EDARADD: variants seen among roughly 807,000 people sequenced by gnomAD.
EDARADD encodes the protein ectodysplasin-A receptor-associated adapter protein.
A neutral mutation model predicts 25.6 loss-of-function variants in EDARADD; 20 were observed. The observed-to-expected ratio is 0.78, with a 90% CI of 0.55 to 1.14. EDARADD has a LOEUF of 1.14. Among genes scored for constraint, EDARADD ranks in the 50% most tolerant of loss-of-function variants. EDARADD has a pLI of 0.00. For synonymous variants in EDARADD, 86 were observed against 94.4 expected (o/e 0.91, Z 0.52); for missense variants, 225 against 270.1 (o/e 0.83, Z 1.17).
chr1:236,379,761 C>A (rs1667277036), intron 3 of EDARADD, among the ~76,000 whole-genome samples: 1 of 152,036 alleles, frequency 6.6e-6, no homozygotes, highest in Admixed American at 6.5e-5. Flanking sequence ...GCCTGGGCGA[C>A]AGAGTGAGAC....
intron 5 of EDARADD, among the ~76,000 whole-genome samples, chr1:236,472,380 C>T (rs192702777): frequency 6.6e-6 from 1 of 152,296 alleles, no homozygotes; most frequent in Admixed American, 6.5e-5. Flanking sequence ...AAAATTCCCA[C>T]GTCCTCCCTG....
At chr1:236,415,104 G>A (rs1211822101) in intron 3 of EDARADD, among the ~76,000 whole-genome samples, 1 of 152,158 alleles carries the variant, frequency 6.6e-6, no homozygotes, top group Admixed American at 6.5e-5. Flanking sequence ...CCACCAGCAC[G>A]GATAGCACAA....
chr1:236,454,328 G>T lies in EDARADD; in HGVS notation c.220-13903G>T, dbSNP rs1253623. Among the ~76,000 whole-genome samples the T allele has an allele frequency of 5.1e-3, 778 of 152,268 alleles. 5 individuals carry two copies. Among genetic ancestry groups the T allele is most frequent in the African/African-American group, 0.017 (714 of 41,556 alleles). On this transcript the variant is annotated intron_variant, in intron 4 of 5. Coordinates refer to ENST00000334232, the MANE Select transcript of EDARADD (RefSeq NM_145861.4). ...CTCCCAAAGTACTGGGATTACAGGC[G>T]TGAGCCACCGTGCCCGGCCTAGAGT...
chr1:236,395,352 C>T lies in EDARADD; in HGVS notation c.61+847C>T, dbSNP rs373303905. 98 of 1,332,286 alleles carry T rather than the reference C, an allele frequency of 7.4e-5. No individual in the cohort carries two copies. The African/African-American group carries it at 1.4e-3, about 19-fold the overall frequency. 82.5% of individuals were successfully genotyped at this position (1,332,286 alleles called of 1,614,324 possible). A position where few individuals can be genotyped will look rare whatever the true frequency, so the allele number is the denominator to read the frequency against. ...GCGTCCCAGCCCCGGGTCGCGGCAC[C>T]CCGGCTCCCGCCCCGCGCCTCTGGA... On this transcript the variant is annotated intron_variant, in intron 1 of 5. Transcript: ENST00000334232. This position sits in a 1 kb window ranked among gnomAD's most constrained non-coding sequence, Gnocchi z 6.9.
In EDARADD at chr1:236,414,285, C is replaced by T. The variant is rs753577262; in HGVS notation, c.146C>T (p.Thr49Met). Residue 49 changes from threonine to methionine, a missense_variant, in exon 3 of 6, where the codon ACG (threonine) becomes ATG (methionine). Thr to Met is a moderately conservative substitution (Grantham distance 81). Coordinates refer to ENST00000334232, the MANE Select transcript of EDARADD (RefSeq NM_145861.4). Reference sequence around the variant, plus strand: ...TCAGACAAATATCCCATTCAAGATACGGAACTCCCTAAAGGTATGTACAGT... The same window carrying T: ...TCAGACAAATATCCCATTCAAGATATGGAACTCCCTAAAGGTATGTACAGT... ...NMSDKYPIQD[T>M]ELPKAEECDT... 2.1e-5 allele frequency: 34 copies of T among 1,610,294 alleles called. No individual in the cohort carries two copies. Among genetic ancestry groups the T allele is most frequent in the East Asian group, 1.3e-4 (6 of 44,806 alleles).
chr1:236,449,259 G>A (rs934102097), intron 4 of EDARADD, among the ~76,000 whole-genome samples: 3 of 152,184 alleles, frequency 2.0e-5, no homozygotes, highest in African/African-American at 7.2e-5. Context: ...GCTTACCTCT[G>A]TAGAGACCCT....
intron 3 of EDARADD, among the ~76,000 whole-genome samples, chr1:236,374,484 G>T (rs921102117): frequency 6.6e-6 from 1 of 152,030 alleles, no homozygotes. Context: ...GCCCAGGCTG[G>T]TCTCAAACTC....
intron 5 of EDARADD, among the ~76,000 whole-genome samples, chr1:236,478,383 G>GTGTGTGTT (rs1558138560): frequency 1.3e-5 from 2 of 148,856 alleles, no homozygotes; most frequent in African/African-American, 4.9e-5. Flanking sequence ...GTGTGTGTGT[G>GTGTGTGTT]TGTATGGATT....
rs1448467231 is a variant in EDARADD, at chr1:236,395,820, G to A, written c.61+1315G>A. On this transcript the variant is annotated intron_variant, in intron 1 of 5. Coordinates refer to ENST00000334232, the MANE Select transcript of EDARADD (RefSeq NM_145861.4). The surrounding 1 kb of genome is among the most constrained non-coding windows in gnomAD (Gnocchi z 6.9). ...CGACCCAGGCGCCAGACCCGGAGTC[G>A]CACGGGGCTCCCAGTCCAGCCCCGC... Among the ~76,000 whole-genome samples the A allele has an allele frequency of 6.6e-6, 1 of 151,762 alleles. No individual in the cohort carries two copies. Among genetic ancestry groups the A allele is most frequent in the Non-Finnish European group, 1.5e-5 (1 of 67,908 alleles).
At chr1:236,451,776 T>TA (rs1658719579) in intron 4 of EDARADD, among the ~76,000 whole-genome samples, 1 of 152,150 alleles carries the variant, frequency 6.6e-6, no homozygotes. Flanking sequence ...TTGGAGGCCT[T>TA]AAAGTTAGGC....
intron 3 of EDARADD, among the ~76,000 whole-genome samples, chr1:236,421,302 G>A (rs1387718880): frequency 1.4e-5 from 2 of 145,768 alleles, no homozygotes; most frequent in Non-Finnish European, 3.0e-5. Context: ...CCTCCTGGTT[G>A]TCAGGATGTG....
At chr1:236,397,979 A>C in intron 1 of EDARADD, among the ~76,000 whole-genome samples, 1 of 152,078 alleles carries the variant, frequency 6.6e-6, no homozygotes, top group East Asian at 1.9e-4. Flanking sequence ...ACCCCAGACC[A>C]AGTGACCATA....
intron 2 of EDARADD, among the ~76,000 whole-genome samples, chr1:236,349,752 G>A (rs894141528): frequency 6.6e-6 from 1 of 151,784 alleles, no homozygotes; most frequent in African/African-American, 2.4e-5. Context: ...CTCAAAGGGT[G>A]TCTGGCTCTT....
At chr1:236,468,623 A>C (rs1479251527) in intron 5 of EDARADD, among the ~76,000 whole-genome samples, 1 of 152,194 alleles carries the variant, frequency 6.6e-6, no homozygotes, top group East Asian at 1.9e-4. Flanking sequence ...CCATCTCAAA[A>C]AATTAAATTA....
intron 5 of EDARADD, among the ~76,000 whole-genome samples, chr1:236,479,528 C>G (rs1571961149): frequency 6.6e-6 from 1 of 151,946 alleles, no homozygotes; most frequent in African/African-American, 2.4e-5. Flanking sequence ...CTCTATTCGC[C>G]TTTTAAGAAT....
intron 4 of EDARADD, among the ~76,000 whole-genome samples, chr1:236,433,902 A>C (rs991816079): frequency 1.3e-5 from 2 of 152,118 alleles, no homozygotes; most frequent in East Asian, 1.9e-4. Context: ...AAAAAAACAA[A>C]AAAAAAAACC....
chr1:236,443,178 C>T lies in EDARADD; in HGVS notation c.219+15728C>T, dbSNP rs553449963. ...GCCCCTCAACCTGGGACTTCTTTGC[C>T]CCCAGAACTGTAAGAAATAAATTCC... On this transcript the variant is annotated intron_variant, in intron 4 of 5. Transcript: ENST00000334232. Among the ~76,000 whole-genome samples the T allele has an allele frequency of 2.7e-4, 41 of 152,108 alleles. 1 individual carries two copies. The highest frequency in any genetic ancestry group is 5.1e-4 in the Non-Finnish European group (35 of 68,036).
chr1:236,390,033 C>G (rs767271591), upstream of EDARADD, among the ~76,000 whole-genome samples: 1 of 151,898 alleles, frequency 6.6e-6, no homozygotes, highest in Non-Finnish European at 1.5e-5. Flanking sequence ...AAGAAGGTAG[C>G]AAAAGAAGAT....
upstream of EDARADD, among the ~76,000 whole-genome samples, chr1:236,391,457 G>A (rs538795116): frequency 2.0e-4 from 30 of 152,266 alleles, no homozygotes; most frequent in South Asian, 6.2e-3. Context: ...TTCACTAAGG[G>A]TATATCAAGC....
Sources: gnomAD v4.1 joint callset for allele counts (sites outside exome capture counted in the v4.1 genomes callset) on GRCh38, gnomAD v4.1.1 for gene constraint, Gnocchi (gnomAD v3.1) non-coding constraint, MANE v1.5 for transcripts, NCBI Gene and HGNC (gene_info 2026-07-23, HGNC 2026-07-21) for gene names.